SIPA1L1: variants seen among roughly 807,000 people sequenced by gnomAD.
SIPA1L1 encodes signal induced proliferation associated 1 like 1.
In SIPA1L1, 26 loss-of-function variants were observed where a neutral mutation model predicts 162.7. That is an observed-to-expected ratio of 0.16 (90% CI 0.12 to 0.22). The LOEUF is 0.22. Among genes scored for constraint, SIPA1L1 ranks in the 10% least tolerant of loss-of-function variants. SIPA1L1 has a pLI of 1.00. For synonymous variants in SIPA1L1, 829 were observed against 837.4 expected (o/e 0.99, Z 0.17); for missense variants, 1,874 against 2,241.0 (o/e 0.84, Z 3.31).
intron 2 of SIPA1L1, among the ~76,000 whole-genome samples, chr14:71,443,734 G>A (rs1286505076): frequency 6.6e-6 from 1 of 152,204 alleles, no homozygotes; most frequent in Non-Finnish European, 1.5e-5. Context: ...CAGACTTACA[G>A]TATTAGATGG....
At chr14:71,640,093 G>A (rs201602862) in intron 7 of SIPA1L1, among the ~76,000 whole-genome samples, 1 of 151,884 alleles carries the variant, frequency 6.6e-6, no homozygotes, top group African/African-American at 2.4e-5. Context: ...TAGTAGAGAC[G>A]GGGTTTCACC....
At chr14:71,443,349 T>C (rs2045067055) in intron 2 of SIPA1L1, among the ~76,000 whole-genome samples, 1 of 152,212 alleles carries the variant, frequency 6.6e-6, no homozygotes, top group Non-Finnish European at 1.5e-5. Flanking sequence ...AAAGTAATTT[T>C]TGGGGCTAAT....
chr14:71,670,460 A>T (rs1596806452), intron 10 of SIPA1L1, among the ~76,000 whole-genome samples: 1 of 152,216 alleles, frequency 6.6e-6, no homozygotes, highest in African/African-American at 2.4e-5. Flanking sequence ...AGCTCAGTTT[A>T]AAAATATGAT....
chr14:71,735,889 C>G (rs917441726), intron 22 of SIPA1L1, among the ~76,000 whole-genome samples: 2 of 152,224 alleles, frequency 1.3e-5, no homozygotes, highest in African/African-American at 4.8e-5. Context: ...AACTGAGGTC[C>G]TAAGGGCTTC....
At chr14:71,323,234 A>G (rs184262701) in intron 2 of SIPA1L1, among the ~76,000 whole-genome samples, 28 of 152,344 alleles carry the variant, frequency 1.8e-4, no homozygotes, top group African/African-American at 5.3e-4. Flanking sequence ...GCAGTTTTGT[A>G]GACTTCGGGG....
At chr14:71,442,873 C>T (rs976252654) in intron 2 of SIPA1L1, among the ~76,000 whole-genome samples, 3 of 152,148 alleles carry the variant, frequency 2.0e-5, no homozygotes, top group Admixed American at 6.6e-5. Context: ...GAGGTCAAGG[C>T]TGCAGTGAGC....
chr14:71,729,272 G>T (rs1253247684), intron 19 of SIPA1L1, among the ~76,000 whole-genome samples: 2 of 152,168 alleles, frequency 1.3e-5, no homozygotes, highest in Non-Finnish European at 2.9e-5. Flanking sequence ...CTGACCTCAA[G>T]TGATCTGCCC....
chr14:71,391,100 T>C (rs1438045460), intron 2 of SIPA1L1, among the ~76,000 whole-genome samples: 1 of 135,670 alleles, frequency 7.4e-6, no homozygotes, highest in Non-Finnish European at 1.6e-5. Context: ...CTGTATTCAG[T>C]ATCTTTTTTT....
At chr14:71,724,015 G>T in intron 18 of SIPA1L1, 129 bp downstream of exon 18, 1 of 999,000 alleles carries the variant, frequency 1.0e-6, no homozygotes, top group Non-Finnish European at 1.4e-6. Context: ...TCTGTTGGTG[G>T]GATTATGATT....
intron 7 of SIPA1L1, among the ~76,000 whole-genome samples, chr14:71,629,961 G>A (rs186955816): frequency 2.2e-4 from 34 of 152,254 alleles, no homozygotes; most frequent in Middle Eastern, 3.4e-3. Flanking sequence ...GCCTTGCTGC[G>A]TTATTTTATT....
At chr14:71,434,595 T>C (rs755060096) in intron 2 of SIPA1L1, among the ~76,000 whole-genome samples, 1 of 152,162 alleles carries the variant, frequency 6.6e-6, no homozygotes, top group Non-Finnish European at 1.5e-5. Flanking sequence ...TTGGTTTTGT[T>C]TGAGACAGGG....
chr14:71,582,700 CTT>C (rs553511692), intron 4 of SIPA1L1, among the ~76,000 whole-genome samples: 34 of 152,256 alleles, frequency 2.2e-4, no homozygotes, highest in African/African-American at 7.5e-4. Context: ...TTTGACTCGA[CTT>C]TGTTTCCATC....
intron 2 of SIPA1L1, among the ~76,000 whole-genome samples, chr14:71,454,626 A>C (rs1297211617): frequency 1.3e-5 from 2 of 152,204 alleles, no homozygotes; most frequent in African/African-American, 2.4e-5. Context: ...TGGAATAGAC[A>C]CTTAGAAAAT....
At chr14:71,492,235 G>A (rs1373495070) in intron 2 of SIPA1L1, among the ~76,000 whole-genome samples, 2 of 152,160 alleles carry the variant, frequency 1.3e-5, no homozygotes, top group Non-Finnish European at 1.5e-5. Flanking sequence ...AGTGTGGATT[G>A]CTTGAAGTTT....
chr14:71,495,502 A>AT (rs2049672621), intron 2 of SIPA1L1, among the ~76,000 whole-genome samples: 2 of 151,450 alleles, frequency 1.3e-5, no homozygotes, highest in African/African-American at 4.8e-5. Context: ...GATTTTGGTA[A>AT]TTTTGGGGGG....
intron 8 of SIPA1L1, among the ~76,000 whole-genome samples, chr14:71,652,833 T>C (rs2042741482): frequency 6.6e-6 from 1 of 152,194 alleles, no homozygotes; most frequent in Non-Finnish European, 1.5e-5. Context: ...TGTCTTCTAT[T>C]CTCACCTTTT....
intron 16 of SIPA1L1, among the ~76,000 whole-genome samples, chr14:71,708,029 GTTT>G (rs58827391): frequency 2.4e-5 from 2 of 82,072 alleles, no homozygotes; most frequent in Non-Finnish European, 4.3e-5. Flanking sequence ...TTTTTTTTTT[GTTT>G]TTTTTTTTTT....
chr14:71,536,891 G>T (rs568891643), intron 4 of SIPA1L1, among the ~76,000 whole-genome samples: 1 of 152,156 alleles, frequency 6.6e-6, no homozygotes, highest in Non-Finnish European at 1.5e-5. Flanking sequence ...GAAGCGATAC[G>T]CAAATTTTAA....
chr14:71,347,513 G>A (rs2036288588), intron 2 of SIPA1L1, among the ~76,000 whole-genome samples: 1 of 152,118 alleles, frequency 6.6e-6, no homozygotes, highest in Non-Finnish European at 1.5e-5. Context: ...ATACCTAGGA[G>A]TTGAATTGTT....
Sources: gnomAD v4.1 joint callset for allele counts (sites outside exome capture counted in the v4.1 genomes callset) on GRCh38, gnomAD v4.1.1 for gene constraint, MANE v1.5 for transcripts, NCBI Gene and HGNC (gene_info 2026-07-23, HGNC 2026-07-21) for gene names.